The following FAT1 variants were observed in gnomAD, a reference collection of about 807,000 sequenced individuals.
The protein encoded by FAT1 is FAT atypical cadherin 1.
A neutral mutation model predicts 329.8 loss-of-function variants in FAT1; 171 were observed. That is an observed-to-expected ratio of 0.52 (90% CI 0.46 to 0.59). The LOEUF (loss-of-function observed/expected upper bound fraction) is 0.59, where lower values mean the gene tolerates loss of function less well. Ranked by LOEUF, FAT1 falls within the 20% of genes least tolerant of loss-of-function variation. The pLI is 0.00. For synonymous variants in FAT1, 2,233 were observed against 2,228.6 expected (o/e 1.00, Z -0.06); for missense variants, 5,672 against 5,774.4 (o/e 0.98, Z 0.57).
intron 2 of FAT1, among the ~76,000 whole-genome samples, chr4:186,667,614 G>A (rs457413): frequency 0.47 from 70,955 of 151,652 alleles, 17,971 homozygotes; most frequent in African/African-American, 0.68. Context: ...ACTGCCAAAG[G>A]GAGAGGAGGG....
chr4:186,674,178 G>C (rs1403158472), intron 2 of FAT1, among the ~76,000 whole-genome samples: 2 of 152,188 alleles, frequency 1.3e-5, no homozygotes, highest in Admixed American at 6.5e-5. Context: ...AATTAGCCCA[G>C]TGGTCTCTCC....
At chr4:186,684,346 T>A (rs1743365754) in intron 2 of FAT1, among the ~76,000 whole-genome samples, 2 of 152,182 alleles carry the variant, frequency 1.3e-5, no homozygotes, top group Non-Finnish European at 1.5e-5. Flanking sequence ...AGTGCTTCCG[T>A]GCTGGACCCT....
chr4:186,628,923 A>G (rs184227366), intron 7 of FAT1, among the ~76,000 whole-genome samples, 160 bp from the exon 8 acceptor site: 128 of 152,336 alleles, frequency 8.4e-4, no homozygotes, highest in Non-Finnish European at 1.6e-3. Context: ...TTCTTAAAAC[A>G]TTTCTCATTG....
intron 4 of FAT1, among the ~76,000 whole-genome samples, chr4:186,639,277 G>A (rs1740985075): frequency 6.6e-6 from 1 of 152,120 alleles, no homozygotes; most frequent in African/African-American, 2.4e-5. Flanking sequence ...GCAAAAAAAT[G>A]AATCTGGAAA....
In FAT1 at chr4:186,662,875, C is replaced by T. The variant is rs188544246; in HGVS notation, c.3580+424G>A. Among the ~76,000 whole-genome samples, 129 of 151,704 alleles carry T rather than the reference C, an allele frequency of 8.5e-4. 2 individuals carry two copies. Among genetic ancestry groups the T allele is most frequent in the Admixed American group, 3.7e-3 (57 of 15,238 alleles). On this transcript the variant is annotated intron_variant, in intron 3 of 26. Coordinates refer to ENST00000441802, the MANE Select transcript of FAT1 (RefSeq NM_005245.4). Reference sequence around the variant, plus strand: ...TTTTTGAGATGGAGTCTCACTCTGTCGCCCAGGCTGGAGTGCAGTGGCACC... The same window carrying T: ...TTTTTGAGATGGAGTCTCACTCTGTTGCCCAGGCTGGAGTGCAGTGGCACC...
Position 186,604,038 on chromosome 4 carries a change from A to G in FAT1, c.10549-61T>C, listed in dbSNP as rs568610424. Reference sequence around the variant, plus strand: ...TGGCACTGTTTATAACTTCTTCAATAAAAACATTTGTATTACTCAAGTTCC... The same window carrying G: ...TGGCACTGTTTATAACTTCTTCAATGAAAACATTTGTATTACTCAAGTTCC... On this transcript the variant is annotated intron_variant, in intron 18 of 26. Coordinates refer to ENST00000441802, the MANE Select transcript of FAT1 (RefSeq NM_005245.4). 6.9e-4 allele frequency: 917 copies of G among 1,323,908 alleles called. 1 individual carries two copies. The highest frequency in any genetic ancestry group is 8.8e-4 in the Non-Finnish European group (838 of 957,066). 82.0% of individuals were successfully genotyped at this position (1,323,908 alleles called of 1,614,324 possible). A position where few individuals can be genotyped will look rare whatever the true frequency, so the allele number is the denominator to read the frequency against.
At position 186,629,825 on chromosome 4, in the gene FAT1, T is replaced by C. The variant is rs535713158; in HGVS notation, c.4324-1062A>G. Among the ~76,000 whole-genome samples the C allele has an allele frequency of 2.0e-5, 3 of 152,330 alleles. No homozygotes were observed. In the South Asian group the frequency reaches 6.2e-4, roughly 32 times the overall value. On this transcript the variant is annotated intron_variant, in intron 7 of 26. Transcript: ENST00000441802. Reference sequence around the variant, plus strand: ...ATGCATCCACCAAACCACGGAAAGGTTGCATGTGAAAGCTATGTAAACCTT... The same window carrying C: ...ATGCATCCACCAAACCACGGAAAGGCTGCATGTGAAAGCTATGTAAACCTT...
At chr4:186,640,884 G>A (rs533176195) in intron 3 of FAT1, among the ~76,000 whole-genome samples, 1 of 152,176 alleles carries the variant, frequency 6.6e-6, no homozygotes, top group East Asian at 1.9e-4. Flanking sequence ...AGGATGATCT[G>A]CACCTCCGAC....
chr4:186,639,989 C>T (rs1027208024), intron 3 of FAT1, among the ~76,000 whole-genome samples: 14 of 152,172 alleles, frequency 9.2e-5, no homozygotes, highest in African/African-American at 2.2e-4. Context: ...AAAAAGTTAG[C>T]CAGGCATGGT....
chr4:186,591,396 C>T lies in FAT1; in HGVS notation c.13139-2176G>A, dbSNP rs74922646. Among the ~76,000 whole-genome samples the T allele has an allele frequency of 3.8e-3, 577 of 152,228 alleles. 1 individual carries two copies. Among genetic ancestry groups the T allele is most frequent in the African/African-American group, 0.013 (554 of 41,528 alleles). On this transcript the variant is annotated intron_variant, in intron 26 of 26. Transcript: ENST00000441802. ...CTGTGGTGTCTCTAAAACATGAATA[C>T]GCCGGCATTTAGGTAACATGTATCT... is the stretch of plus-strand genomic sequence containing the variant.
intron 1 of FAT1, among the ~76,000 whole-genome samples, chr4:186,719,938 T>G (rs1191002654): frequency 6.6e-6 from 1 of 152,258 alleles, no homozygotes; most frequent in Non-Finnish European, 1.5e-5. Context: ...ATATTATTCT[T>G]TAGCTTGAAA....
intron 4 of FAT1, 101 bp from the exon 5 acceptor site, chr4:186,637,015 T>C (rs1740857894): frequency 9.4e-7 from 1 of 1,063,740 alleles, no homozygotes; most frequent in Non-Finnish European, 1.3e-6. Flanking sequence ...AAGCTCTGCA[T>C]TTTGCAGGGC....
intron 21 of FAT1, 132 bp downstream of exon 21, chr4:186,601,137 A>T: frequency 1.2e-6 from 1 of 834,728 alleles, no homozygotes; most frequent in Non-Finnish European, 1.8e-6. Context: ...ACAGGCATCA[A>T]TGAATTATTT....
At chr4:186,654,301 A>G (rs1741802630) in intron 3 of FAT1, among the ~76,000 whole-genome samples, 1 of 152,234 alleles carries the variant, frequency 6.6e-6, no homozygotes, top group South Asian at 2.1e-4. Flanking sequence ...GATGAGACAC[A>G]CTTGTCAATG....
intron 22 of FAT1, among the ~76,000 whole-genome samples, chr4:186,599,317 G>T (rs1432227205): frequency 1.3e-5 from 2 of 152,116 alleles, no homozygotes; most frequent in Admixed American, 1.3e-4. Flanking sequence ...GCTCTATTTG[G>T]TATGACAACT....
chr4:186,721,499 A>T (rs1187176370), intron 1 of FAT1, among the ~76,000 whole-genome samples: 1 of 152,282 alleles, frequency 6.6e-6, no homozygotes, highest in East Asian at 1.9e-4. Flanking sequence ...ACAATTATCT[A>T]GCGCAAATCC....
chr4:186,682,595 T>C (rs1331581591), intron 2 of FAT1, among the ~76,000 whole-genome samples: 4 of 151,754 alleles, frequency 2.6e-5, no homozygotes, highest in East Asian at 1.9e-4. Context: ...GACAGACTTT[T>C]TGAACTAAAA....
chr4:186,588,714 C>T lies in FAT1; in HGVS notation c.13645G>A (p.Val4549Met), dbSNP rs371451914. The change falls in exon 27 of 27, where the codon GTG (valine) becomes ATG (methionine). Residue 4549 changes from valine to methionine, a missense_variant. Physicochemically the swap from Val to Met is conservative, Grantham distance 21 (BLOSUM62 1). Around this residue, in one of 2 missense-constraint regions of FAT1, gnomAD observed 1,706 missense variants for 1,859.1 expected, o/e 0.92. Transcript: ENST00000441802. ...VYASTASCSDVSACCEVESEV... is the reference protein window; with the variant it reads ...VYASTASCSDMSACCEVESEV... Reference sequence around the variant, plus strand: ...GACTCCACTTCGCAGCAGGCTGACACGTCAGAGCAGGAGGCGGTGGAGGCG... The same window carrying T: ...GACTCCACTTCGCAGCAGGCTGACATGTCAGAGCAGGAGGCGGTGGAGGCG... 1.5e-5 allele frequency: 25 copies of T among 1,613,830 alleles called. No individual in the cohort carries two copies. The highest frequency in any genetic ancestry group is 4.0e-5 in the African/African-American group (3 of 74,892).
chr4:186,651,055 AATT>A (rs1489808928), intron 3 of FAT1, among the ~76,000 whole-genome samples: 1 of 149,264 alleles, frequency 6.7e-6, no homozygotes, highest in Non-Finnish European at 1.5e-5. Flanking sequence ...ATTATTAAAT[AATT>A]TATTTATTAT....
Sources: allele counts gnomAD v4.1 joint callset (sites outside exome capture counted in the v4.1 genomes callset), GRCh38; gene constraint gnomAD v4.1.1; regional missense constraint gnomAD v4.1.1; transcripts MANE v1.5; gene names NCBI Gene and HGNC (gene_info 2026-07-23, HGNC 2026-07-21).